AGTPBP1: variants seen among roughly 807,000 people sequenced by gnomAD.
AGTPBP1 encodes the protein ATP/GTP binding carboxypeptidase 1, also known as cytosolic carboxypeptidase 1.
In AGTPBP1, 70 loss-of-function variants were observed where a neutral mutation model predicts 143.9. The observed-to-expected ratio is 0.49, with a 90% CI of 0.40 to 0.59. AGTPBP1 has a LOEUF of 0.59. Ranked by LOEUF, AGTPBP1 falls within the 20% of genes least tolerant of loss-of-function variation. The probability of loss-of-function intolerance (pLI) is 0.00; values close to 1 mark genes in which losing one functional copy is unlikely to be tolerated. For missense variants in AGTPBP1, 1,229 were observed against 1,464.5 expected (o/e 0.84, Z 2.62); for synonymous variants, 463 against 500.2 (o/e 0.93, Z 0.99).
intron 17 of AGTPBP1, among the ~76,000 whole-genome samples, chr9:85,607,097 T>C (rs945462581): frequency 3.3e-5 from 5 of 152,020 alleles, no homozygotes; most frequent in South Asian, 2.1e-4. Context: ...ATCAAGGTGA[T>C]GGATATCCTA....
In AGTPBP1 at chr9:85,691,487, GTTAAATA is replaced by G. The variant is rs534345124; in HGVS notation, c.157+1195_157+1201del. Among the ~76,000 whole-genome samples the G allele has an allele frequency of 8.0e-4, 121 of 151,186 alleles. 1 individual carries two copies. The highest frequency in any genetic ancestry group is 2.8e-3 in the African/African-American group (116 of 41,140). On this transcript the variant is annotated intron_variant, in intron 3 of 25. Coordinates refer to ENST00000357081, the MANE Select transcript of AGTPBP1 (RefSeq NM_001330701.2). The stretch of plus-strand genomic sequence containing the variant: ...AACAGAAATACCTTTTATGTGCACT[GTTAAATA>G]TTAAAGTAGTGCTGGTTTTCTCTTA...
At chr9:85,654,289 C>T (rs1331459239) in intron 11 of AGTPBP1, among the ~76,000 whole-genome samples, 1 of 152,028 alleles carries the variant, frequency 6.6e-6, no homozygotes, top group Non-Finnish European at 1.5e-5. Flanking sequence ...TCTTCTTCCC[C>T]ATATAAATAA....
the AGTPBP1 span, among the ~76,000 whole-genome samples, chr9:85,749,826 A>G: frequency 3.3e-3 from 508 of 152,308 alleles, 4 homozygotes; most frequent in African/African-American, 0.012. Flanking sequence ...ACAATGTAAG[A>G]AAAAAGGCAT....
chr9:85,804,774 T>C, the AGTPBP1 span, among the ~76,000 whole-genome samples: 1 of 152,214 alleles, frequency 6.6e-6, no homozygotes, highest in African/African-American at 2.4e-5. Flanking sequence ...GCCCTGCAAC[T>C]CTACAGGGAA....
chr9:85,790,434 G>C, the AGTPBP1 span, among the ~76,000 whole-genome samples: 1 of 152,118 alleles, frequency 6.6e-6, no homozygotes, highest in African/African-American at 2.4e-5. Context: ...CCATTCCCTG[G>C]AATGTACTGC....
intron 25 of AGTPBP1, among the ~76,000 whole-genome samples, chr9:85,564,877 T>C (rs1480887757): frequency 6.6e-6 from 1 of 152,226 alleles, no homozygotes; most frequent in African/African-American, 2.4e-5. Flanking sequence ...TTTGGGACTA[T>C]TGAGATGGAA....
chr9:85,684,778 C>T (rs1409879365), intron 3 of AGTPBP1, among the ~76,000 whole-genome samples: 1 of 152,070 alleles, frequency 6.6e-6, no homozygotes, highest in Non-Finnish European at 1.5e-5. Context: ...TAATCCTTCC[C>T]AGTTATCTTA....
rs1274700560 is a variant in AGTPBP1, at chr9:85,596,456, AAGAG to A, written c.2336-11_2336-8del. 1.9e-6 allele frequency: 3 copies of A among 1,538,760 alleles called. No homozygotes were observed. Among genetic ancestry groups the A allele is most frequent in the South Asian group, 1.2e-5 (1 of 80,078 alleles). On this transcript the variant is annotated splice_polypyrimidine_tract_variant and splice_region_variant and intron_variant, in intron 17 of 25. Coordinates refer to ENST00000357081, the MANE Select transcript of AGTPBP1 (RefSeq NM_001330701.2). ...TACATGAGTGGTTGCATACCTTTGAAAGAGAGAAAAAAAGAGAGAAAATTATTTT... is the reference window on the plus strand; with the variant it reads ...TACATGAGTGGTTGCATACCTTTGAAAGAAAAAAAGAGAGAAAATTATTTT...
At chr9:85,802,185 A>G in the AGTPBP1 span, among the ~76,000 whole-genome samples, 1 of 152,126 alleles carries the variant, frequency 6.6e-6, no homozygotes, top group East Asian at 1.9e-4. Flanking sequence ...TGCATATAGT[A>G]ACTAAACTTC....
chr9:85,590,482 C>T (rs1402449885), intron 19 of AGTPBP1, among the ~76,000 whole-genome samples: 1 of 152,044 alleles, frequency 6.6e-6, no homozygotes, highest in Admixed American at 6.6e-5. Flanking sequence ...TGTTCAATCC[C>T]CCATTTTTTA....
intron 1 of AGTPBP1, among the ~76,000 whole-genome samples, chr9:85,724,124 T>C (rs755641109): frequency 5.3e-5 from 8 of 151,892 alleles, no homozygotes; most frequent in Non-Finnish European, 1.0e-4. Context: ...CGAACTCTAC[T>C]ATAAATACAA....
rs145975397 is a variant in AGTPBP1 at position 85,641,066 on chromosome 9, G to A, written c.1302+1761C>T. ...TGTCCAACGTATCCACAGTATCTAT[G>A]CAACTGACCTGTTAGTCACTCAGTA... is the stretch of plus-strand genomic sequence containing the variant. On this transcript the variant is annotated intron_variant, in intron 13 of 25. Transcript: ENST00000357081. Among the ~76,000 whole-genome samples, 182 of 152,218 alleles carry A rather than the reference G, an allele frequency of 1.2e-3. 1 individual carries two copies. The highest frequency in any genetic ancestry group is 4.2e-3 in the African/African-American group (174 of 41,554).
rs746581272 is a variant in AGTPBP1 at position 85,669,549 on chromosome 9, C to A, written c.598G>T (p.Gly200Ter). Residue 200 changes from glycine (G) to a stop codon, truncating the protein, a stop_gained, in exon 8 of 26, where the codon GGA becomes TGA. Coordinates refer to ENST00000357081, the MANE Select transcript of AGTPBP1 (RefSeq NM_001330701.2). LOFTEE classifies it high-confidence loss of function. ...ATTTTAAACATCAGTTCCACAACTC[C>A]ATTTTTCCCTAAGGATACTGAATTC... Reference protein sequence around the residue: ...SVNSVSLGKNGVVELMFKIIG... With the variant: ...SVNSVSLGKN 1 of 1,611,782 alleles carries A rather than the reference C, an allele frequency of 6.2e-7. No individual in the cohort carries two copies. Among genetic ancestry groups the A allele is most frequent in the Non-Finnish European group, 8.5e-7 (1 of 1,178,540 alleles).
At chr9:85,636,894 T>C (rs893386140) in intron 13 of AGTPBP1, among the ~76,000 whole-genome samples, 7 of 152,050 alleles carry the variant, frequency 4.6e-5, no homozygotes, top group African/African-American at 7.3e-5. Context: ...CTAGGAACTG[T>C]AGCATTAAAG....
At chr9:85,578,732 GAAGTA>G (rs1228639823) in intron 24 of AGTPBP1, among the ~76,000 whole-genome samples, 183 bp downstream of exon 24, 3 of 152,004 alleles carry the variant, frequency 2.0e-5, no homozygotes, top group African/African-American at 7.2e-5. Flanking sequence ...TTAGTTCAGA[GAAGTA>G]AAGAAACCAA....
the AGTPBP1 span, among the ~76,000 whole-genome samples, chr9:85,784,012 C>G: frequency 1.3e-5 from 2 of 152,228 alleles, no homozygotes; most frequent in African/African-American, 4.8e-5. Context: ...AAAAATTCAT[C>G]TTTTGACTAA....
chr9:85,574,944 G>A (rs1449236183), intron 25 of AGTPBP1, among the ~76,000 whole-genome samples: 3 of 151,990 alleles, frequency 2.0e-5, no homozygotes, highest in African/African-American at 4.8e-5. Context: ...CCTGACCTCA[G>A]GTGATCCACC....
chr9:85,698,151 C>T (rs1203598276), intron 2 of AGTPBP1, among the ~76,000 whole-genome samples: 3 of 151,822 alleles, frequency 2.0e-5, no homozygotes, highest in Non-Finnish European at 4.4e-5. Flanking sequence ...AATTCACAAA[C>T]ATACAAAACA....
chr9:85,586,090 G>C (rs1280430433), intron 22 of AGTPBP1, among the ~76,000 whole-genome samples: 2 of 151,956 alleles, frequency 1.3e-5, no homozygotes, highest in Admixed American at 6.6e-5. Flanking sequence ...GTGGGCACCT[G>C]TAATTCCAGC....
Sources: gnomAD v4.1 joint callset for allele counts (sites outside exome capture counted in the v4.1 genomes callset) on GRCh38, gnomAD v4.1.1 for gene constraint, MANE v1.5 for transcripts, NCBI Gene and HGNC (gene_info 2026-07-23, HGNC 2026-07-21) for gene names.